BCAR1: variants seen among roughly 807,000 people sequenced by gnomAD.
BCAR1 encodes breast cancer anti-estrogen resistance protein 1.
Under a neutral mutation model 67.6 loss-of-function variants are expected in BCAR1, and 30 were observed. The ratio of observed to expected loss-of-function variants is 0.44; its 90% CI spans 0.33 to 0.60. The LOEUF (loss-of-function observed/expected upper bound fraction) is 0.60, where lower values mean the gene tolerates loss of function less well. Among genes scored for constraint, BCAR1 ranks in the 20% least tolerant of loss-of-function variants. The probability of loss-of-function intolerance (pLI) is 0.02; values close to 1 mark genes in which losing one functional copy is unlikely to be tolerated. For synonymous variants in BCAR1, 626 were observed against 556.7 expected (o/e 1.12, Z -1.75); for missense variants, 1,313 against 1,222.3 (o/e 1.07, Z -1.11).
chr16:75,235,154 C>G lies in BCAR1; in HGVS notation c.1745G>C (p.Cys582Ser). ...GGCGTCCTCGGGCACAGCCCGCGAGCAGGCCACCAGCCGGTCCAGGTCCTC... is the reference window on the plus strand; with the variant it reads ...GGCGTCCTCGGGCACAGCCCGCGAGGAGGCCACCAGCCGGTCCAGGTCCTC... ...TLEDLDRLVA[C>S]SRAVPEDAKQ... Residue 582 changes from cysteine to serine, a missense_variant, in exon 5 of 7, where the codon TGC (cysteine) becomes TCC (serine). By Grantham distance (112) the Cys-to-Ser change is moderately radical (BLOSUM62 -1). Transcript: ENST00000162330. 2 of 1,608,670 alleles carry G rather than the reference C, an allele frequency of 1.2e-6. No individual in the cohort carries two copies. Among genetic ancestry groups the G allele is most frequent in the Non-Finnish European group, 1.7e-6 (2 of 1,179,894 alleles).
At chr16:75,259,442 C>T (rs1158809322) in intron 1 of BCAR1, among the ~76,000 whole-genome samples, 1 of 151,462 alleles carries the variant, frequency 6.6e-6, no homozygotes, top group Non-Finnish European at 1.5e-5. Context: ...GGTTGGGTAA[C>T]ACAGCAAGAC....
At chr16:75,250,091 T>C (rs1311160402) in intron 1 of BCAR1, 3 of 152,480 alleles carry the variant, frequency 2.0e-5, no homozygotes, top group African/African-American at 7.2e-5. Context: ...ATGGTACCAG[T>C]ACACAGTGCT....
Position 75,229,277 on chromosome 16 carries a change from G to C in BCAR1, c.*234C>G. On this transcript the variant is annotated 3_prime_UTR_variant, in exon 7 of 7. Coordinates refer to ENST00000162330, the MANE Select transcript of BCAR1 (RefSeq NM_014567.5). ...TCTGGTGACCCAACCCGGGCCCGTGGTGCATGCTGGGGAAGGCCACTGGCC... is the reference window on the plus strand; with the variant it reads ...TCTGGTGACCCAACCCGGGCCCGTGCTGCATGCTGGGGAAGGCCACTGGCC... The C allele has an allele frequency of 1.6e-6, 1 of 615,120 alleles. No individual in the cohort carries two copies. The highest frequency in any genetic ancestry group is 1.9e-5 in the African/African-American group (1 of 53,960). The allele number at this position is 615,120 out of a possible 1,614,324, so 38.1% of individuals were successfully genotyped here.
chr16:75,267,925 G>GTA lies in BCAR1; in HGVS notation c.55_56insTA (p.Pro19LeufsTer31). 2 of 1,602,542 alleles carry GTA rather than the reference G, an allele frequency of 1.2e-6. No individual in the cohort carries two copies. Among genetic ancestry groups the GTA allele is most frequent in the Non-Finnish European group, 1.7e-6 (2 of 1,175,700 alleles). ...AGAGCCCTCACTTACTCTGAGGCAG[G>GTA]GATCCTTGGGTGTGGGCCTGGGGGC... is the stretch of plus-strand genomic sequence containing the variant. On this transcript the variant is annotated frameshift_variant, in exon 1 of 7. Transcript: ENST00000393422. LOFTEE classifies it high-confidence loss of function.
chr16:75,247,813 A>G lies in BCAR1; in HGVS notation c.12+3658T>C, dbSNP rs1023892413. On this transcript the variant is annotated intron_variant, in intron 1 of 6. Transcript: ENST00000162330. ...GCCTGCACCCTTTCACCCAGCAAAT[A>G]TGACCTCAGCACCCGCAAGCCAGCA... 3 of 551,548 alleles carry G rather than the reference A, an allele frequency of 5.4e-6. No homozygotes were observed. In the African/African-American group the frequency reaches 5.7e-5, roughly 10 times the overall value. The allele number at this position is 551,548 out of a possible 1,614,324, so 34.2% of individuals were successfully genotyped here.
intron 2 of BCAR1, chr16:75,238,008 A>G (rs1483900172): frequency 2.3e-6 from 3 of 1,282,204 alleles, no homozygotes; most frequent in Non-Finnish European, 3.1e-6. Flanking sequence ...TGCAGCAGGT[A>G]AGATCCCCAG....
At chr16:75,239,611 C>T (rs894459670) in intron 2 of BCAR1, among the ~76,000 whole-genome samples, 21 of 152,170 alleles carry the variant, frequency 1.4e-4, no homozygotes, top group African/African-American at 4.3e-4. Flanking sequence ...GGTTGGCTCC[C>T]GGCTCTGGCA....
Position 75,235,087 on chromosome 16 carries a change from G to A in BCAR1, c.1812C>T (p.Leu604=). 6.2e-7 allele frequency: 1 copy of A among 1,612,626 alleles called. No homozygotes were observed. Among genetic ancestry groups the A allele is most frequent in the Non-Finnish European group, 8.5e-7 (1 of 1,180,020 alleles). The change falls in exon 5 of 7, where the codon CTC becomes CTT. Residue 604 remains leucine (L), a synonymous_variant. Coordinates refer to ENST00000162330, the MANE Select transcript of BCAR1 (RefSeq NM_014567.5). ...GGGCAGTGGCCTTGGTCCGTCTGAA[G>A]AGCAGTGAGGCATTGCCGTGCAGGA... The part of the protein sequence containing the change: ...ASFLHGNASL[L]FRRTKATAPG...
At chr16:75,255,928 T>C (rs1404699980), upstream of BCAR1, among the ~76,000 whole-genome samples, 1 of 150,652 alleles carries the variant, frequency 6.6e-6, no homozygotes, top group African/African-American at 2.5e-5. Context: ...GAGGCGGAGG[T>C]TGCAGTGAGC....
chr16:75,234,961 C>T lies in BCAR1; in HGVS notation c.1938G>A (p.Gln646=), dbSNP rs1384005798. 1 of 1,597,376 alleles carries T rather than the reference C, an allele frequency of 6.3e-7. No homozygotes were observed. Among genetic ancestry groups the T allele is most frequent in the African/African-American group, 1.3e-5 (1 of 74,716 alleles). The change falls in exon 5 of 7, where the codon CAG becomes CAA. Residue 646 remains glutamine (Q), a synonymous_variant. Transcript: ENST00000162330. ...TCTCGTACTGCCCATCTGGCGAGTC[C>T]TGGGAGGTGAACTTAGGGGGTGAGG... ...PLPSPPKFTS[Q]DSPDGQYENS... is the part of the protein sequence containing the mutation.
Position 75,235,569 on chromosome 16 carries a change from A to G in BCAR1, c.1330T>C (p.Leu444=), listed in dbSNP as rs1597183324. 6.3e-7 allele frequency: 1 copy of G among 1,596,474 alleles called. No individual in the cohort carries two copies. The highest frequency in any genetic ancestry group is 8.5e-7 in the Non-Finnish European group (1 of 1,172,080). ...STRSSQSASS[L]EVAGPGREPL... ...TCCCGGCCCGGCCCTGCCACCTCCA[A>G]GGAGGACGCAGACTGGCTGCTGCGT... is the stretch of plus-strand genomic sequence containing the variant. Residue 444 remains leucine, a synonymous_variant, in exon 5 of 7, where the codon TTG becomes CTG. Transcript: ENST00000162330.
In BCAR1 at chr16:75,229,852, G is replaced by A. The variant is rs141222604; in HGVS notation, c.2272C>T (p.Leu758=). The change falls in exon 7 of 7, where the codon CTG becomes TTG. Residue 758 remains leucine, a synonymous_variant. Transcript: ENST00000162330. ...AAGAAGGCGTCCACGGCGTTGGTCA[G>A]TGTGGTCAGGTTGGCCTCACACTGC... ...LEQCEANLTT[L]TNAVDAFFTA... 10 of 1,613,272 alleles carry A rather than the reference G, an allele frequency of 6.2e-6. No homozygotes were observed. Among genetic ancestry groups the A allele is most frequent in the Admixed American group, 5.0e-5 (3 of 60,018 alleles).
At chr16:75,265,103 C>G (rs548609708) in intron 1 of BCAR1, 1 of 152,366 alleles carries the variant, frequency 6.6e-6, no homozygotes, top group South Asian at 2.1e-4. Context: ...AGCCAGGCTG[C>G]CCGGCCAGGA....
chr16:75,249,229 C>T (rs895105149), intron 1 of BCAR1: 4 of 152,310 alleles, frequency 2.6e-5, no homozygotes, highest in African/African-American at 9.7e-5. Flanking sequence ...GTGAGGCTGA[C>T]CCCTGACTTC....
Position 75,235,849 on chromosome 16 carries a change from C to T in BCAR1, c.1050G>A (p.Ala350=), listed in dbSNP as rs370353295. ...DPARTPLVLA[A]PPPDSPPAED... ...CGGCCGGCGGGGAGTCTGGAGGGGG[C>T]GCAGCCAGTACCAGTGGGGTGCGGG... Residue 350 remains alanine, a synonymous_variant, in exon 5 of 7, where the codon GCG becomes GCA. Coordinates refer to ENST00000162330, the MANE Select transcript of BCAR1 (RefSeq NM_014567.5). The T allele has an allele frequency of 1.9e-5, 30 of 1,567,378 alleles. No homozygotes were observed. Among genetic ancestry groups the T allele is most frequent in the African/African-American group, 1.1e-4 (8 of 74,000 alleles).
chr16:75,244,720 C>A (rs911658904), intron 1 of BCAR1, among the ~76,000 whole-genome samples: 1 of 152,162 alleles, frequency 6.6e-6, no homozygotes, highest in Non-Finnish European at 1.5e-5. Context: ...AAGGGAGGGG[C>A]CAGGGGGCAG....
At chr16:75,267,797 T>C (rs965895534) in intron 1 of BCAR1, 199 of 1,102,084 alleles carry the variant, frequency 1.8e-4, no homozygotes, top group Non-Finnish European at 2.5e-4. Flanking sequence ...CAGATGGAGC[T>C]GGACCCTCCA....
intron 2 of BCAR1, among the ~76,000 whole-genome samples, chr16:75,240,174 C>T (rs193146761): frequency 6.6e-6 from 1 of 152,320 alleles, no homozygotes; most frequent in Admixed American, 6.5e-5. Context: ...GTCACTCACC[C>T]TCTTGGCTTC....
intron 1 of BCAR1, among the ~76,000 whole-genome samples, chr16:75,260,789 G>A (rs973691934): frequency 6.6e-6 from 1 of 152,150 alleles, no homozygotes. Context: ...AATAGATACT[G>A]CAAGCCTAAA....
Sources: allele counts gnomAD v4.1 joint callset (sites outside exome capture counted in the v4.1 genomes callset), GRCh38; gene constraint gnomAD v4.1.1; transcripts MANE v1.5; gene names NCBI Gene and HGNC (gene_info 2026-07-23, HGNC 2026-07-21).